CTIF: variants seen among roughly 807,000 people sequenced by gnomAD.
The protein encoded by CTIF is cap binding complex dependent translation initiation factor, also known as CBP80/20-dependent translation initiation factor.
A neutral mutation model predicts 66.0 loss-of-function variants in CTIF; 21 were observed. That is an observed-to-expected ratio of 0.32 (90% confidence interval 0.23 to 0.46). The LOEUF (loss-of-function observed/expected upper bound fraction) is 0.46. Ranked by LOEUF, CTIF falls within the 20% of genes least tolerant of loss-of-function variation. CTIF has a pLI of 1.00. For synonymous variants in CTIF, 345 were observed against 326.4 expected (o/e 1.06, Z -0.62); for missense variants, 739 against 812.7 (o/e 0.91, Z 1.10).
intron 3 of CTIF, among the ~76,000 whole-genome samples, chr18:48,646,621 C>A (rs921849199): frequency 4.6e-5 from 7 of 151,772 alleles, no homozygotes; most frequent in Admixed American, 1.3e-4. Flanking sequence ...GTGGCACATA[C>A]CTGTGGTTCC....
At chr18:48,780,582 C>A (rs771683375) in intron 9 of CTIF, among the ~76,000 whole-genome samples, 4 of 152,110 alleles carry the variant, frequency 2.6e-5, no homozygotes, top group Admixed American at 6.5e-5. Flanking sequence ...TCCCTCCCTG[C>A]GAGCTTGGCG....
intron 6 of CTIF, among the ~76,000 whole-genome samples, chr18:48,685,816 A>G (rs989315693): frequency 3.9e-5 from 6 of 151,998 alleles, no homozygotes; most frequent in African/African-American, 1.2e-4. Context: ...AGCTGGGATT[A>G]CAGGTGCCTG....
At chr18:48,770,882 A>G (rs1197307076) in intron 9 of CTIF, among the ~76,000 whole-genome samples, 1 of 152,222 alleles carries the variant, frequency 6.6e-6, no homozygotes, top group Non-Finnish European at 1.5e-5. Flanking sequence ...GGATGGCTCC[A>G]TCAGTGTGGG....
chr18:48,818,117 T>G (rs2068407920), intron 10 of CTIF, among the ~76,000 whole-genome samples: 1 of 152,222 alleles, frequency 6.6e-6, no homozygotes, highest in Non-Finnish European at 1.5e-5. Flanking sequence ...AAGCAGGAAT[T>G]TAGCAGGTGG....
intron 3 of CTIF, among the ~76,000 whole-genome samples, chr18:48,654,743 G>A (rs955577610): frequency 6.6e-6 from 1 of 152,236 alleles, no homozygotes; most frequent in African/African-American, 2.4e-5. Context: ...ACCAGTGATA[G>A]ACTGGATTAA....
At chr18:48,676,247 G>T (rs2091627644) in intron 6 of CTIF, among the ~76,000 whole-genome samples, 1 of 152,184 alleles carries the variant, frequency 6.6e-6, no homozygotes, top group Non-Finnish European at 1.5e-5. Context: ...ACAGTGGCCT[G>T]GTGCTTTTGT....
chr18:48,714,300 T>C lies in CTIF; in HGVS notation c.584+2605T>C, dbSNP rs987758705. 3.9e-5 allele frequency among the ~76,000 whole-genome samples: 6 copies of C among 152,300 alleles called. No individual in the cohort carries two copies. The East Asian group carries it at 1.2e-3, about 29-fold the overall frequency. ...GGGGCTTGCATTTCCTGGGCACGCA[T>C]GGTGGCAAAGGGAGAAGTGACCAGA... is the stretch of plus-strand genomic sequence containing the variant. On this transcript the variant is annotated intron_variant, in intron 7 of 11. Transcript: ENST00000256413.
rs527276768 is a variant in CTIF, at chr18:48,724,551, C to T, written c.584+12856C>T. Reference sequence around the variant, plus strand: ...CTGATTCTGCAGGTTCTGCTGACTCCTTCCTACTCCTCCACCCCTTACTAT... The same window carrying T: ...CTGATTCTGCAGGTTCTGCTGACTCTTTCCTACTCCTCCACCCCTTACTAT... On this transcript the variant is annotated intron_variant, in intron 7 of 11. Coordinates refer to ENST00000256413, the MANE Select transcript of CTIF (RefSeq NM_014772.3). 1.6e-4 allele frequency among the ~76,000 whole-genome samples: 24 copies of T among 152,336 alleles called. No individual in the cohort carries two copies. The South Asian group carries it at 4.8e-3, about 30-fold the overall frequency.
intron 1 of CTIF, among the ~76,000 whole-genome samples, chr18:48,603,931 C>T (rs1226209638): frequency 6.6e-6 from 1 of 151,608 alleles, no homozygotes; most frequent in Non-Finnish European, 1.5e-5. Context: ...TCACTGCAAC[C>T]TCCGCCTCCC....
intron 2 of CTIF, among the ~76,000 whole-genome samples, chr18:48,626,411 G>A (rs2090599746): frequency 6.6e-6 from 1 of 151,840 alleles, no homozygotes; most frequent in Non-Finnish European, 1.5e-5. Flanking sequence ...GCCATGGCAT[G>A]CTCTCGGCTC....
chr18:48,689,962 C>T (rs2091902236), intron 6 of CTIF, among the ~76,000 whole-genome samples: 1 of 152,146 alleles, frequency 6.6e-6, no homozygotes, highest in Non-Finnish European at 1.5e-5. Context: ...ATACTTACAT[C>T]ATAGAAAAAT....
chr18:48,720,276 CG>C (rs1042328190), intron 7 of CTIF, among the ~76,000 whole-genome samples: 5 of 151,974 alleles, frequency 3.3e-5, no homozygotes, highest in Non-Finnish European at 4.4e-5. Flanking sequence ...GAGATGGGGA[CG>C]GGGGGGATGC....
intron 6 of CTIF, among the ~76,000 whole-genome samples, chr18:48,711,223 A>G (rs999817703): frequency 6.6e-6 from 1 of 152,204 alleles, no homozygotes; most frequent in African/African-American, 2.4e-5. Flanking sequence ...ACTTGTGCTT[A>G]GAGAAGTAAC....
At chr18:48,646,355 A>G (rs2091030898) in intron 3 of CTIF, among the ~76,000 whole-genome samples, 1 of 152,220 alleles carries the variant, frequency 6.6e-6, no homozygotes, top group Admixed American at 6.5e-5. Flanking sequence ...GGAGACGCAA[A>G]TAAAACCCCA....
At position 48,664,428 on chromosome 18, in the gene CTIF, ACCCT is replaced by A; in HGVS notation, c.327-13_327-10del. Reference sequence around the variant, plus strand: ...TGTTGCCCTCTTGCCTCCGTTTCTCACCCTCCCTCGCCCTCTAGTGGTGCCACCT... The same window carrying A: ...TGTTGCCCTCTTGCCTCCGTTTCTCACCCTCGCCCTCTAGTGGTGCCACCT... On this transcript the variant is annotated splice_polypyrimidine_tract_variant and intron_variant, in intron 4 of 11. Coordinates refer to ENST00000256413, the MANE Select transcript of CTIF (RefSeq NM_014772.3). 1 of 1,605,258 alleles carries A rather than the reference ACCCT, an allele frequency of 6.2e-7. No homozygotes were observed. Among genetic ancestry groups the A allele is most frequent in the Non-Finnish European group, 8.5e-7 (1 of 1,173,332 alleles).
At chr18:48,569,264 G>A (rs1315385276) in intron 1 of CTIF, among the ~76,000 whole-genome samples, 1 of 152,138 alleles carries the variant, frequency 6.6e-6, no homozygotes, top group Admixed American at 6.5e-5. Context: ...GATTTCCAGA[G>A]CGTGCACAGT....
At position 48,659,260 on chromosome 18, in the gene CTIF, ACTT is replaced by A. The variant is rs373142558; in HGVS notation, c.253-4489_253-4487del. Among the ~76,000 whole-genome samples, 127 of 152,132 alleles carry A rather than the reference ACTT, an allele frequency of 8.3e-4. 3 individuals are homozygous for A. The highest frequency in any genetic ancestry group is 3.0e-3 in the African/African-American group (123 of 41,494). ...GTGTCCAAGGTGTTGCCCTATACCTACTTCTCCAGAGACTCAGCTTCTCGTCTG... is the reference window on the plus strand; with the variant it reads ...GTGTCCAAGGTGTTGCCCTATACCTACTCCAGAGACTCAGCTTCTCGTCTG... On this transcript the variant is annotated intron_variant, in intron 3 of 11. Transcript: ENST00000256413.
At chr18:48,683,386 G>A (rs972855359) in intron 6 of CTIF, among the ~76,000 whole-genome samples, 3 of 149,354 alleles carry the variant, frequency 2.0e-5, no homozygotes, top group African/African-American at 4.9e-5. Flanking sequence ...CTGTCCCTCC[G>A]AGCATCAGTG....
chr18:48,561,235 CAAAA>C (rs36056519), intron 1 of CTIF, among the ~76,000 whole-genome samples: 1 of 92,354 alleles, frequency 1.1e-5, no homozygotes, highest in African/African-American at 4.4e-5. Flanking sequence ...GACTCTGTCT[CAAAA>C]AAAAAAAAAA....
Sources: gnomAD v4.1 joint callset for allele counts (sites outside exome capture counted in the v4.1 genomes callset) on GRCh38, gnomAD v4.1.1 for gene constraint, MANE v1.5 for transcripts, NCBI Gene and HGNC (gene_info 2026-07-23, HGNC 2026-07-21) for gene names.